Variants in RAB3IP observed in about 807,000 individuals in gnomAD.
RAB3IP encodes the protein rab-3A-interacting protein.
In RAB3IP, 36 loss-of-function variants were observed where a neutral mutation model predicts 59.1. The observed-to-expected ratio is 0.61, with a 90% CI of 0.47 to 0.80. The LOEUF is 0.80. Among genes scored for constraint, RAB3IP ranks in the 30% least tolerant of loss-of-function variants. The pLI, the probability that RAB3IP is intolerant of heterozygous loss-of-function variation, is 0.00. For missense variants in RAB3IP, 511 were observed against 536.0 expected (o/e 0.95, Z 0.46); for synonymous variants, 207 against 191.2 (o/e 1.08, Z -0.68).
At chr12:69,805,532 T>C (rs928799580) in intron 8 of RAB3IP, among the ~76,000 whole-genome samples, 1 of 152,022 alleles carries the variant, frequency 6.6e-6, no homozygotes, top group African/African-American at 2.4e-5. Flanking sequence ...TCCAACACTA[T>C]GTTGAATAGG....
intron 4 of RAB3IP, among the ~76,000 whole-genome samples, chr12:69,792,755 G>T (rs1207769917): frequency 6.6e-6 from 1 of 152,138 alleles, no homozygotes; most frequent in Non-Finnish European, 1.5e-5. Flanking sequence ...CCTTATGTCT[G>T]TAGTGGAAAA....
chr12:69,748,471 CTGT>C (rs1176729983), intron 1 of RAB3IP, among the ~76,000 whole-genome samples: 6 of 152,138 alleles, frequency 3.9e-5, no homozygotes, highest in Non-Finnish European at 7.4e-5. Flanking sequence ...TAAAGATTGG[CTGT>C]TGTTTTTGCT....
intron 3 of RAB3IP, among the ~76,000 whole-genome samples, chr12:69,772,269 G>A (rs1360424329): frequency 1.3e-5 from 2 of 152,092 alleles, no homozygotes; most frequent in African/African-American, 4.8e-5. Flanking sequence ...TGCATTGAAT[G>A]TTTTCCCTTT....
intron 3 of RAB3IP, among the ~76,000 whole-genome samples, chr12:69,758,223 T>TAA (rs1243730712): frequency 6.6e-6 from 1 of 152,222 alleles, no homozygotes; most frequent in Non-Finnish European, 1.5e-5. Context: ...AATACGAGTT[T>TAA]CTTATAGATA....
At chr12:69,772,380 T>C (rs964159286) in intron 3 of RAB3IP, among the ~76,000 whole-genome samples, 3 of 152,138 alleles carry the variant, frequency 2.0e-5, no homozygotes, top group African/African-American at 7.2e-5. Context: ...CCGTCTCTTA[T>C]TGGAGATTTT....
intron 1 of RAB3IP, chr12:69,739,971 A>G (rs1195942759): frequency 1.5e-5 from 17 of 1,109,910 alleles, no homozygotes; most frequent in Non-Finnish European, 2.0e-5. Flanking sequence ...TACCTGTTAT[A>G]CACTCTCCTG....
At chr12:69,814,161 A>G (rs1484326016) in intron 10 of RAB3IP, among the ~76,000 whole-genome samples, 1 of 152,196 alleles carries the variant, frequency 6.6e-6, no homozygotes, top group Admixed American at 6.5e-5. Flanking sequence ...CAGAGAACAG[A>G]AAATTTATGT....
At chr12:69,801,299 A>G (rs560840516) in intron 7 of RAB3IP, among the ~76,000 whole-genome samples, 2 of 152,344 alleles carry the variant, frequency 1.3e-5, no homozygotes, top group South Asian at 2.1e-4. Context: ...TAGGATATTC[A>G]TTTTGAAGTG....
chr12:69,780,288 A>G (rs955945316), intron 3 of RAB3IP, among the ~76,000 whole-genome samples: 2 of 152,066 alleles, frequency 1.3e-5, no homozygotes, highest in African/African-American at 4.8e-5. Context: ...GACCCCTTAC[A>G]CTCTGCTGTA....
chr12:69,768,893 G>A lies in RAB3IP; in HGVS notation c.510+12230G>A, dbSNP rs375974222. ...AGGTTGTCAAAGAATGGCTGACTTCGTATGTACCCTGATAGGGTTTGGCTG... is the reference window on the plus strand; with the variant it reads ...AGGTTGTCAAAGAATGGCTGACTTCATATGTACCCTGATAGGGTTTGGCTG... On this transcript the variant is annotated intron_variant, in intron 3 of 10. Transcript: ENST00000247833. Among the ~76,000 whole-genome samples the A allele has an allele frequency of 3.4e-4, 52 of 152,184 alleles. 1 individual carries two copies. Among genetic ancestry groups the A allele is most frequent in the African/African-American group, 9.9e-4 (41 of 41,512 alleles).
intron 8 of RAB3IP, among the ~76,000 whole-genome samples, chr12:69,804,754 TC>T (rs1878972971): frequency 6.6e-6 from 1 of 151,934 alleles, no homozygotes; most frequent in African/African-American, 2.4e-5. Context: ...AAATAGGGAA[TC>T]CTTTCCCCAT....
At chr12:69,804,555 C>T (rs1166919525) in intron 8 of RAB3IP, among the ~76,000 whole-genome samples, 2 of 152,226 alleles carry the variant, frequency 1.3e-5, no homozygotes, top group East Asian at 3.8e-4. Context: ...GTGTTTTAGA[C>T]ATGAAGTCCT....
At chr12:69,803,501 A>T (rs1409949203) in intron 8 of RAB3IP, among the ~76,000 whole-genome samples, 1 of 147,624 alleles carries the variant, frequency 6.8e-6, no homozygotes, top group Non-Finnish European at 1.5e-5. Context: ...TAATTTTTTT[A>T]TTATTATTAT....
chr12:69,812,882 G>GT lies in RAB3IP; in HGVS notation c.1230+6dup. 6.2e-7 allele frequency: 1 copy of GT among 1,606,970 alleles called. No individual in the cohort carries two copies. On this transcript the variant is annotated splice_donor_region_variant and intron_variant, in intron 9 of 10. Coordinates refer to ENST00000247833, the MANE Select transcript of RAB3IP (RefSeq NM_022456.5). Reference sequence around the variant, plus strand: ...TCTCCTTTTTGCAGATACAGGGTAAGTGACTTAACCATGAATTTTAATAAA... The same window carrying GT: ...TCTCCTTTTTGCAGATACAGGGTAAGTTGACTTAACCATGAATTTTAATAAA...
At chr12:69,800,087 A>G (rs931216162) in intron 6 of RAB3IP, 122 bp from the exon 7 acceptor site, 11 of 719,560 alleles carry the variant, frequency 1.5e-5, no homozygotes, top group African/African-American at 1.5e-4. Flanking sequence ...GAGTGGTTCA[A>G]TTTATTATTT....
chr12:69,811,158 C>G (rs1036362070), intron 8 of RAB3IP, among the ~76,000 whole-genome samples: 17 of 152,242 alleles, frequency 1.1e-4, no homozygotes, highest in South Asian at 2.1e-4. Flanking sequence ...TGCCTGTTCT[C>G]CCTTATAAGT....
rs199716184 is a variant in RAB3IP at position 69,756,597 on chromosome 12, A to G, written c.444A>G (p.Pro148=). 2 of 1,614,118 alleles carry G rather than the reference A, an allele frequency of 1.2e-6. No homozygotes were observed. Among genetic ancestry groups the G allele is most frequent in the East Asian group, 2.2e-5 (1 of 44,874 alleles). Residue 148 remains proline (P), a synonymous_variant, in exon 3 of 11, where the codon CCA becomes CCG. Transcript: ENST00000247833. ...STDSLSRLRS[P]SVLEVREKGY... is the part of the protein sequence containing the mutation. ...ATAGTCTGTCTCGTTTACGAAGCCCATCTGTTTTGGAAGTTAGAGAAAAGG... is the reference window on the plus strand; with the variant it reads ...ATAGTCTGTCTCGTTTACGAAGCCCGTCTGTTTTGGAAGTTAGAGAAAAGG...
intron 3 of RAB3IP, among the ~76,000 whole-genome samples, chr12:69,758,509 C>T (rs1490918720): frequency 3.9e-5 from 6 of 152,066 alleles, no homozygotes; most frequent in Admixed American, 1.3e-4. Context: ...CACTCTCTAC[C>T]TTCCGGTGAT....
chr12:69,780,820 T>A (rs1161289420), intron 3 of RAB3IP, among the ~76,000 whole-genome samples: 1 of 152,170 alleles, frequency 6.6e-6, no homozygotes, highest in Non-Finnish European at 1.5e-5. Context: ...TTTTTTTTTT[T>A]AATTAGTATT....
Sources: allele counts gnomAD v4.1 joint callset (sites outside exome capture counted in the v4.1 genomes callset), GRCh38; gene constraint gnomAD v4.1.1; transcripts MANE v1.5; gene names NCBI Gene and HGNC (gene_info 2026-07-23, HGNC 2026-07-21).